SLC25A22: variants seen among roughly 807,000 people sequenced by gnomAD.
SLC25A22 encodes the protein solute carrier family 25 member 22.
Under a neutral mutation model 33.7 loss-of-function variants are expected in SLC25A22, and 23 were observed. That is an observed-to-expected ratio of 0.68 (90% CI 0.49 to 0.97). The LOEUF (loss-of-function observed/expected upper bound fraction) is 0.97. Ranked by LOEUF, SLC25A22 falls within the 50% of genes least tolerant of loss-of-function variation. SLC25A22 has a pLI of 0.00. For synonymous variants in SLC25A22, 245 were observed against 203.8 expected, an observed-to-expected ratio of 1.20 and a Z score of -1.72; for missense variants, 390 against 451.1, an observed-to-expected ratio of 0.86 and a Z score of 1.23.
In SLC25A22 at chr11:792,949, AC is replaced by A. The variant is rs1489758106; in HGVS notation, c.332del (p.Cys111LeufsTer8). The A allele has an allele frequency of 6.2e-7, 1 of 1,612,328 alleles. No homozygotes were observed. Among genetic ancestry groups the A allele is most frequent in the Admixed American group, 1.7e-5 (1 of 59,928 alleles). ...CGATCACCTGGCAGGTGCCAGCCCC[AC>A]AGCCCGCCAGCATCTCTTTAAGCAG... ...LTLLKEMLAG[C>X]GAGTCQVIVT... is the part of the protein sequence containing the mutation. On this transcript the variant is annotated frameshift_variant, in exon 6 of 10. Transcript: ENST00000628067. LOFTEE classifies it high-confidence loss of function.
chr11:793,108 G>T (rs1864624531), intron 5 of SLC25A22, 120 bp from the exon 6 acceptor site: 2 of 942,466 alleles, frequency 2.1e-6, no homozygotes, highest in East Asian at 2.6e-5. Flanking sequence ...ATGCAGGCCT[G>T]TGGGGGTACA....
rs888609195 is a variant in SLC25A22 at position 791,749 on chromosome 11, G to T, written c.*166C>A. On this transcript the variant is annotated 3_prime_UTR_variant, in exon 10 of 10. Coordinates refer to ENST00000628067, the MANE Select transcript of SLC25A22 (RefSeq NM_001191061.2). ...CAACGGTGCAGGCAGCACCCCGGGG[G>T]GCTTGCGTGTGCACCACCTATGTGG... 5 of 886,770 alleles carry T rather than the reference G, an allele frequency of 5.6e-6. No homozygotes were observed. In the African/African-American group the frequency reaches 6.8e-5, roughly 12 times the overall value. The allele number at this position is 886,770 out of a possible 1,614,324, so 54.9% of individuals were successfully genotyped here. A position where few individuals can be genotyped will look rare whatever the true frequency, so the allele number is the denominator to read the frequency against.
rs1004867467 is a variant in SLC25A22 at position 791,899 on chromosome 11, G to A, written c.*16C>T. On this transcript the variant is annotated 3_prime_UTR_variant, in exon 10 of 10. Coordinates refer to ENST00000628067, the MANE Select transcript of SLC25A22 (RefSeq NM_001191061.2). ...CCGGCCCTGCCCAGCTGGCTGGGGT[G>A]GAGCGGGTGCTGGGCTCAGGCCTGG... 1.9e-6 allele frequency: 3 copies of A among 1,583,130 alleles called. No individual in the cohort carries two copies. Among genetic ancestry groups the A allele is most frequent in the South Asian group, 1.1e-5 (1 of 88,570 alleles).
At chr11:794,642 G>A (rs528905902) in intron 3 of SLC25A22, 129 bp from the exon 4 acceptor site, 17 of 1,520,270 alleles carry the variant, frequency 1.1e-5, no homozygotes, top group East Asian at 7.3e-5. Flanking sequence ...CCTGACCCAC[G>A]TGGGATCTCC....
In SLC25A22 at chr11:791,479, G is replaced by A. The variant is rs112476979; in HGVS notation, c.*436C>T. The A allele has an allele frequency of 0.014, 3,109 of 216,410 alleles. 110 individuals are homozygous for A. Among genetic ancestry groups the A allele is most frequent in the African/African-American group, 0.067 (2,871 of 42,908 alleles). The allele number at this position is 216,410 out of a possible 1,614,324, so 13.4% of individuals were successfully genotyped here. A position where few individuals can be genotyped will look rare whatever the true frequency, so the allele number is the denominator to read the frequency against. Reference sequence around the variant, plus strand: ...GGAAGGACGGAAGGGCTGGAGAGCCGCTTGGGTCCAGCAGATTCAATAAAT... The same window carrying A: ...GGAAGGACGGAAGGGCTGGAGAGCCACTTGGGTCCAGCAGATTCAATAAAT... On this transcript the variant is annotated 3_prime_UTR_variant, in exon 10 of 10. Transcript: ENST00000628067.
At chr11:794,540 A>T in intron 3 of SLC25A22, 27 bp from the exon 4 acceptor site, 3 of 1,610,488 alleles carry the variant, frequency 1.9e-6, no homozygotes, top group Non-Finnish European at 2.5e-6. Context: ...AGGGTGAGCC[A>T]GGGCCAGCTG....
rs139577104 is a variant in SLC25A22 at position 791,209 on chromosome 11, GCACACACA to G, written c.*698_*705del. On this transcript the variant is annotated 3_prime_UTR_variant, in exon 10 of 10. Coordinates refer to ENST00000628067, the MANE Select transcript of SLC25A22 (RefSeq NM_001191061.2). The stretch of plus-strand genomic sequence containing the variant: ...AGATCCCCACAACACACACACGCAT[GCACACACA>G]CATACACACACACATGCACACAGAC... 1 of 154,438 alleles carries G rather than the reference GCACACACA, an allele frequency of 6.5e-6. No homozygotes were observed. Among genetic ancestry groups the G allele is most frequent in the South Asian group, 2.0e-4 (1 of 4,922 alleles). 9.6% of individuals were successfully genotyped at this position (154,438 alleles called of 1,614,324 possible).
In SLC25A22 at chr11:797,325, C is replaced by T. The variant is rs116061080; in HGVS notation, c.-164+892G>A. ...ACCGGCAGGGGTTCCCTCTGAACGC[C>T]AACCCCGCCTTTCTCTGCCCTCACT... On this transcript the variant is annotated intron_variant, in intron 1 of 9. Transcript: ENST00000628067. Among the ~76,000 whole-genome samples, 438 of 152,296 alleles carry T rather than the reference C, an allele frequency of 2.9e-3. 5 individuals are homozygous for T. Among genetic ancestry groups the T allele is most frequent in the African/African-American group, 0.01 (419 of 41,558 alleles).
rs763707732 is a variant in SLC25A22 at position 792,226 on chromosome 11, G to A, written c.743-9C>T. On this transcript the variant is annotated splice_polypyrimidine_tract_variant and intron_variant, in intron 8 of 9. Transcript: ENST00000628067. ...GAGCCGCGTCTTCACCACTGCAAGG[G>A]GCGCTCGGGTCAGTGTGAGCCTGGC... 1 of 1,612,958 alleles carries A rather than the reference G, an allele frequency of 6.2e-7. No individual in the cohort carries two copies. Among genetic ancestry groups the A allele is most frequent in the East Asian group, 2.2e-5 (1 of 44,870 alleles).
At chr11:797,408 A>C in intron 1 of SLC25A22, 1 of 390,962 alleles carries the variant, frequency 2.6e-6, no homozygotes, top group Non-Finnish European at 4.5e-6. Flanking sequence ...CCCTGCACTG[A>C]TGTTGCTATA....
chr11:792,211 T>C lies in SLC25A22; in HGVS notation c.749A>G (p.Lys250Arg). 1 of 1,612,904 alleles carries C rather than the reference T, an allele frequency of 6.2e-7. No individual in the cohort carries two copies. Among genetic ancestry groups the C allele is most frequent in the Non-Finnish European group, 8.5e-7 (1 of 1,179,896 alleles). Residue 250 changes from lysine to arginine, a missense_variant, in exon 9 of 10, where the codon AAG becomes AGG. Coordinates refer to ENST00000628067, the MANE Select transcript of SLC25A22 (RefSeq NM_001191061.2). ...AVAVNPCDVVKTRLQSLQRGV... is the reference protein window; with the variant it reads ...AVAVNPCDVVRTRLQSLQRGV... ...TCGCTGAAGTGACTGGAGCCGCGTC[T>C]TCACCACTGCAAGGGGCGCTCGGGT... is the stretch of plus-strand genomic sequence containing the variant.
intron 4 of SLC25A22, 177 bp from the exon 5 acceptor site, chr11:793,796 T>A (rs1257752483): frequency 1.1e-5 from 7 of 631,958 alleles, no homozygotes; most frequent in African/African-American, 3.6e-5. Flanking sequence ...CAGGCAGGGA[T>A]GGGGCAGCAC....
intron 4 of SLC25A22, 74 bp from the exon 5 acceptor site, chr11:793,693 T>C (rs1864653499): frequency 9.5e-7 from 1 of 1,057,808 alleles, no homozygotes; most frequent in South Asian, 1.3e-5. Context: ...AGGACTTGCC[T>C]CCTGGCTGGC....
chr11:793,825 C>T (rs1026634872), intron 4 of SLC25A22: 14 of 609,060 alleles, frequency 2.3e-5, no homozygotes, highest in Non-Finnish European at 3.5e-5. Context: ...CAGGCTCTCC[C>T]ATGCCCACTG....
At chr11:797,541 G>A (rs974400690) in intron 1 of SLC25A22, 16 of 397,978 alleles carry the variant, frequency 4.0e-5, no homozygotes, top group African/African-American at 2.7e-4. Context: ...CCACCCCACA[G>A]GAAGATACCG....
chr11:798,186 A>C, intron 1 of SLC25A22, 31 bp downstream of exon 1: 1 of 395,876 alleles, frequency 2.5e-6, no homozygotes, highest in Non-Finnish European at 4.4e-6. Flanking sequence ...GGATGGGCGC[A>C]GCAGAAGGGA....
chr11:795,104 CA>C lies in SLC25A22; in HGVS notation c.-99del. The C allele has an allele frequency of 7.1e-7, 1 of 1,399,138 alleles. No individual in the cohort carries two copies. The highest frequency in any genetic ancestry group is 9.8e-7 in the Non-Finnish European group (1 of 1,019,512). The allele number at this position is 1,399,138 out of a possible 1,614,324, so 86.7% of individuals were successfully genotyped here. On this transcript the variant is annotated 5_prime_UTR_variant, in exon 2 of 10. Transcript: ENST00000628067. ...GGAGGCCTTGAGGGAGGGTGGGACC[CA>C]GGGGGGTTGGGTGGTGCTCCACCTT...
In SLC25A22 at chr11:792,294, A is replaced by G. The variant is rs755321456; in HGVS notation, c.742+10T>C. On this transcript the variant is annotated intron_variant, in intron 8 of 9. Coordinates refer to ENST00000628067, the MANE Select transcript of SLC25A22 (RefSeq NM_001191061.2). ...CCCATCCCCAGCCGGGCGCCATCCC[A>G]TGCACTGACCATCACAGGGGTTGAC... 6.2e-7 allele frequency: 1 copy of G among 1,613,148 alleles called. No homozygotes were observed. Among genetic ancestry groups the G allele is most frequent in the South Asian group, 1.1e-5 (1 of 91,082 alleles).
chr11:794,362 T>C, intron 4 of SLC25A22, 96 bp downstream of exon 4: 1 of 1,408,772 alleles, frequency 7.1e-7, no homozygotes, highest in Non-Finnish European at 9.9e-7. Flanking sequence ...AGGCCCAGGC[T>C]GGCCGCCCTG....
Sources: gnomAD v4.1 joint callset for allele counts (sites outside exome capture counted in the v4.1 genomes callset) on GRCh38, gnomAD v4.1.1 for gene constraint, MANE v1.5 for transcripts, NCBI Gene and HGNC (gene_info 2026-07-23, HGNC 2026-07-21) for gene names.